SPOCK3: variants seen among roughly 807,000 people sequenced by gnomAD.
The protein encoded by SPOCK3 is SPARC (osteonectin), cwcv and kazal like domains proteoglycan 3.
In SPOCK3, 30 loss-of-function variants were observed where a neutral mutation model predicts 56.6. The observed-to-expected ratio is 0.53, with a 90% confidence interval of 0.40 to 0.72. The LOEUF is 0.72. Ranked by LOEUF, SPOCK3 falls within the 30% of genes least tolerant of loss-of-function variation. The pLI is 0.00. For missense variants in SPOCK3, 527 were observed against 530.0 expected, an observed-to-expected ratio of 0.99 and a Z score of 0.06; for synonymous variants, 196 against 183.3, an observed-to-expected ratio of 1.07 and a Z score of -0.56.
chr4:167,086,146 T>G (rs1023935402), intron 2 of SPOCK3, among the ~76,000 whole-genome samples: 1 of 152,088 alleles, frequency 6.6e-6, no homozygotes, highest in Non-Finnish European at 1.5e-5. Context: ...TATTTGATAA[T>G]AAAATAGCGA....
At chr4:167,055,069 T>C (rs1023310355) in intron 3 of SPOCK3, among the ~76,000 whole-genome samples, 1 of 152,160 alleles carries the variant, frequency 6.6e-6, no homozygotes, top group Non-Finnish European at 1.5e-5. Flanking sequence ...GATATATTAA[T>C]AGTTAAAACA....
chr4:167,116,659 TAC>T (rs1230877495), intron 2 of SPOCK3, among the ~76,000 whole-genome samples: 3 of 60,264 alleles, frequency 5.0e-5, no homozygotes, highest in Admixed American at 2.2e-4. Context: ...TACACATATA[TAC>T]GTATATAGTA....
chr4:166,845,273 A>G (rs1267215168), intron 6 of SPOCK3, among the ~76,000 whole-genome samples: 4 of 152,210 alleles, frequency 2.6e-5, no homozygotes, highest in South Asian at 4.1e-4. Context: ...CATTTGCAAA[A>G]AGAACAATTG....
chr4:166,739,977 A>C (rs564880416), intron 9 of SPOCK3, among the ~76,000 whole-genome samples: 216 of 152,302 alleles, frequency 1.4e-3, no homozygotes, highest in African/African-American at 5.0e-3. Flanking sequence ...AGAAAAAATA[A>C]GGAAAAAATT....
intron 6 of SPOCK3, among the ~76,000 whole-genome samples, chr4:166,819,134 T>C (rs189660749): frequency 3.9e-5 from 6 of 152,138 alleles, no homozygotes; most frequent in Admixed American, 3.9e-4. Context: ...TCTCAATAGA[T>C]TCAGAAAAAT....
intron 2 of SPOCK3, among the ~76,000 whole-genome samples, chr4:167,079,262 C>A (rs1757496569): frequency 6.6e-6 from 1 of 151,956 alleles, no homozygotes; most frequent in African/African-American, 2.4e-5. Context: ...TCAAAACTTT[C>A]AAAACTATTA....
At chr4:167,036,673 G>GC (rs1375963029) in intron 3 of SPOCK3, among the ~76,000 whole-genome samples, 2 of 151,954 alleles carry the variant, frequency 1.3e-5, no homozygotes, top group African/African-American at 4.8e-5. Flanking sequence ...TCTGTGAAGT[G>GC]CAATCCATCA....
intron 7 of SPOCK3, among the ~76,000 whole-genome samples, chr4:166,775,319 C>A (rs1739406412): frequency 6.6e-6 from 1 of 152,116 alleles, no homozygotes; most frequent in African/African-American, 2.4e-5. Context: ...AGAGATCACC[C>A]ATTTTCATCT....
At chr4:166,987,263 T>C (rs1747271115) in intron 4 of SPOCK3, among the ~76,000 whole-genome samples, 1 of 152,130 alleles carries the variant, frequency 6.6e-6, no homozygotes, top group African/African-American at 2.4e-5. Flanking sequence ...CAATCTCTGT[T>C]CCCTGTGTCT....
At chr4:166,761,550 G>A (rs1335569835) in intron 7 of SPOCK3, among the ~76,000 whole-genome samples, 2 of 2,796 alleles carry the variant, frequency 7.2e-4, no homozygotes, top group Non-Finnish European at 1.4e-3. Context: ...ATACACCATG[G>A]AATACTATGC....
intron 8 of SPOCK3, among the ~76,000 whole-genome samples, chr4:166,747,793 G>T (rs1232732735): frequency 3.3e-5 from 5 of 151,910 alleles, no homozygotes; most frequent in Admixed American, 1.3e-4. Flanking sequence ...AAAGTCTCAG[G>T]ATACAAAATC....
chr4:166,956,184 A>G (rs924196256), intron 4 of SPOCK3, among the ~76,000 whole-genome samples: 2 of 151,860 alleles, frequency 1.3e-5, no homozygotes, highest in African/African-American at 4.8e-5. Flanking sequence ...CCCCCAGTAG[A>G]TGCCTGAAAC....
chr4:166,915,410 T>A (rs1480230327), intron 4 of SPOCK3, among the ~76,000 whole-genome samples: 3 of 152,220 alleles, frequency 2.0e-5, no homozygotes, highest in Non-Finnish European at 4.4e-5. Context: ...CTTAGTCATT[T>A]AAATTTTTGT....
intron 8 of SPOCK3, among the ~76,000 whole-genome samples, chr4:166,750,017 G>A (rs11940325): frequency 0.24 from 37,105 of 151,986 alleles, 5,543 homozygotes; most frequent in African/African-American, 0.41. Flanking sequence ...GAAAATGCAC[G>A]TACATTTGAT....
At chr4:166,863,132 C>T (rs1192986988) in intron 6 of SPOCK3, among the ~76,000 whole-genome samples, 3 of 152,070 alleles carry the variant, frequency 2.0e-5, no homozygotes, top group Non-Finnish European at 4.4e-5. Context: ...AAACAATTTT[C>T]AACCCAGAAT....
chr4:167,158,037 A>T (rs1262333215), intron 2 of SPOCK3, among the ~76,000 whole-genome samples: 1 of 152,042 alleles, frequency 6.6e-6, no homozygotes, highest in African/African-American at 2.4e-5. Context: ...GTGTAAAAAC[A>T]ACTATATCCT....
In SPOCK3 at chr4:167,208,338, G is replaced by C. The variant is rs572998154; in HGVS notation, c.189+25647C>G. On this transcript the variant is annotated intron_variant, in intron 2 of 10. Coordinates refer to ENST00000357545, the MANE Select transcript of SPOCK3 (RefSeq NM_001040159.2). The stretch of plus-strand genomic sequence containing the variant: ...GTAGTTTGCTATTTTATTCATAGTT[G>C]TTCCCTCTGTGAGCAGAGATATAAT... Among the ~76,000 whole-genome samples, 9 of 152,196 alleles carry C rather than the reference G, an allele frequency of 5.9e-5. 1 individual carries two copies. In the South Asian group the frequency reaches 1.9e-3, roughly 32 times the overall value.
intron 2 of SPOCK3, among the ~76,000 whole-genome samples, chr4:167,110,670 A>T (rs1364742516): frequency 6.6e-6 from 1 of 152,102 alleles, no homozygotes; most frequent in Non-Finnish European, 1.5e-5. Flanking sequence ...CCCTATTATG[A>T]GTAAGGAAGT....
At chr4:167,203,680 A>G (rs1580608081) in intron 2 of SPOCK3, among the ~76,000 whole-genome samples, 1 of 152,244 alleles carries the variant, frequency 6.6e-6, no homozygotes, top group Non-Finnish European at 1.5e-5. Context: ...CCTTGTAGAA[A>G]AAACTATGAA....
Sources: allele counts gnomAD v4.1 joint callset (sites outside exome capture counted in the v4.1 genomes callset), GRCh38; gene constraint gnomAD v4.1.1; transcripts MANE v1.5; gene names NCBI Gene and HGNC (gene_info 2026-07-23, HGNC 2026-07-21).